The following RGS6 variants were observed in gnomAD, a reference collection of about 807,000 sequenced individuals.
The protein encoded by RGS6 is regulator of G-protein signaling 6.
Under a neutral mutation model 78.5 loss-of-function variants are expected in RGS6, and 30 were observed. The ratio of observed to expected loss-of-function variants is 0.38; its 90% confidence interval spans 0.29 to 0.52. The LOEUF (loss-of-function observed/expected upper bound fraction) is 0.52. Among genes scored for constraint, RGS6 ranks in the 20% least tolerant of loss-of-function variants. RGS6 has a pLI of 0.85. For missense variants in RGS6, 495 were observed against 609.7 expected (o/e 0.81, Z 1.98); for synonymous variants, 206 against 206.0 (o/e 1.00, Z 0.00).
At chr14:72,163,844 C>G (rs1006400630) in intron 2 of RGS6, among the ~76,000 whole-genome samples, 2 of 148,868 alleles carry the variant, frequency 1.3e-5, no homozygotes, top group African/African-American at 5.0e-5. Flanking sequence ...GATTGCACCA[C>G]TGCACTCCAG....
At chr14:72,401,147 C>A (rs1169342304) in intron 3 of RGS6, among the ~76,000 whole-genome samples, 3 of 152,082 alleles carry the variant, frequency 2.0e-5, no homozygotes, top group Non-Finnish European at 4.4e-5. Context: ...TATCTTTACC[C>A]CAAGTCTACC....
At chr14:71,877,079 C>T in the RGS6 span, among the ~76,000 whole-genome samples, 1 of 152,142 alleles carries the variant, frequency 6.6e-6, no homozygotes, top group Admixed American at 6.5e-5. Context: ...TGTGGGTAAC[C>T]CAACCTTTGT....
intron 2 of RGS6, among the ~76,000 whole-genome samples, chr14:72,178,018 A>G (rs1447931180): frequency 6.6e-6 from 1 of 152,134 alleles, no homozygotes; most frequent in Non-Finnish European, 1.5e-5. Context: ...CTTCTCCCAT[A>G]GGTGCTAGTC....
At chr14:72,139,297 C>T (rs1386079156) in intron 2 of RGS6, among the ~76,000 whole-genome samples, 1 of 152,212 alleles carries the variant, frequency 6.6e-6, no homozygotes, top group African/African-American at 2.4e-5. Context: ...TCTGTCAATT[C>T]TCCATTCTTG....
intron 3 of RGS6, among the ~76,000 whole-genome samples, chr14:72,452,042 G>A (rs138373705): frequency 3.3e-3 from 500 of 152,260 alleles, no homozygotes; most frequent in African/African-American, 0.011. Context: ...GAGCCACTGC[G>A]CCTGGCCAGA....
intron 2 of RGS6, among the ~76,000 whole-genome samples, chr14:72,016,408 C>G (rs893927089): frequency 6.6e-6 from 1 of 152,118 alleles, no homozygotes; most frequent in Admixed American, 6.5e-5. Flanking sequence ...CACTGTTCCC[C>G]AGGCTGGAGT....
At chr14:72,138,170 C>G (rs1452918686) in intron 2 of RGS6, among the ~76,000 whole-genome samples, 2 of 152,082 alleles carry the variant, frequency 1.3e-5, no homozygotes, top group Non-Finnish European at 2.9e-5. Flanking sequence ...ATAAAAGATA[C>G]AAATATGGAA....
intron 3 of RGS6, among the ~76,000 whole-genome samples, chr14:72,395,704 C>T (rs2152968655): frequency 6.6e-6 from 1 of 152,058 alleles, no homozygotes; most frequent in South Asian, 2.1e-4. Flanking sequence ...CACAACAGGC[C>T]CCGGTGTGTG....
chr14:72,208,861 C>CATGATAGGTCTA (rs2043331554), intron 2 of RGS6, among the ~76,000 whole-genome samples: 1 of 152,162 alleles, frequency 6.6e-6, no homozygotes, highest in Non-Finnish European at 1.5e-5. Context: ...TGCTTTCTCC[C>CATGATAGGTCTA]TTCCTGCTAT....
intron 2 of RGS6, among the ~76,000 whole-genome samples, chr14:72,218,427 T>G (rs2046085924): frequency 6.6e-6 from 1 of 152,034 alleles, no homozygotes; most frequent in Non-Finnish European, 1.5e-5. Context: ...TGTATCAGTA[T>G]ATTAATATTG....
At chr14:72,200,996 A>G (rs1271643515) in intron 2 of RGS6, among the ~76,000 whole-genome samples, 1 of 150,520 alleles carries the variant, frequency 6.6e-6, no homozygotes, top group Non-Finnish European at 1.5e-5. Context: ...AAGAAGAAGA[A>G]AAGAAAAGAA....
At chr14:72,423,812 G>A (rs528672732) in intron 3 of RGS6, among the ~76,000 whole-genome samples, 12 of 152,138 alleles carry the variant, frequency 7.9e-5, no homozygotes, top group South Asian at 2.1e-4. Context: ...ATGTACCCCC[G>A]AGCCTAAAAT....
At chr14:72,599,571 G>A in the RGS6 span, among the ~76,000 whole-genome samples, 8 of 132,376 alleles carry the variant, frequency 6.0e-5, no homozygotes, top group South Asian at 1.8e-3. Flanking sequence ...ACCACGCCTG[G>A]CTAATTTTTT....
At chr14:72,567,785 G>GC (rs2097715370), downstream of RGS6, among the ~76,000 whole-genome samples, 1 of 152,122 alleles carries the variant, frequency 6.6e-6, no homozygotes, top group Non-Finnish European at 1.5e-5. Context: ...CCCCTCCTGG[G>GC]CCCACAGAGC....
chr14:72,036,454 G>A (rs1366553759), intron 2 of RGS6, among the ~76,000 whole-genome samples: 2 of 152,058 alleles, frequency 1.3e-5, no homozygotes, highest in Non-Finnish European at 2.9e-5. Context: ...CGGTAGATGT[G>A]CCTGTAACTT....
chr14:72,525,514 A>T (rs1253060059), intron 15 of RGS6, among the ~76,000 whole-genome samples: 1 of 152,266 alleles, frequency 6.6e-6, no homozygotes, highest in Non-Finnish European at 1.5e-5. Context: ...CGCCATGAGC[A>T]GACAAGAAGC....
chr14:72,065,896 A>G (rs1431700789), intron 2 of RGS6, among the ~76,000 whole-genome samples: 1 of 151,856 alleles, frequency 6.6e-6, no homozygotes, highest in African/African-American at 2.4e-5. Context: ...AGCATTAGGT[A>G]TATCTCCCGA....
At chr14:72,123,848 A>G (rs1005609600) in intron 2 of RGS6, among the ~76,000 whole-genome samples, 3 of 152,168 alleles carry the variant, frequency 2.0e-5, no homozygotes, top group African/African-American at 7.2e-5. Flanking sequence ...GGTTAAAAAT[A>G]TGTAAATGGA....
At chr14:71,978,762 G>A (rs908189217) in intron 2 of RGS6, among the ~76,000 whole-genome samples, 70 of 152,264 alleles carry the variant, frequency 4.6e-4, no homozygotes, top group African/African-American at 1.6e-3. Context: ...TGGTATCAGG[G>A]TGACGCTGGC....
Sources: allele counts gnomAD v4.1 joint callset (sites outside exome capture counted in the v4.1 genomes callset), GRCh38; gene constraint gnomAD v4.1.1; transcripts MANE v1.5; gene names NCBI Gene and HGNC (gene_info 2026-07-23, HGNC 2026-07-21).